The following PGM5 variants were observed in gnomAD, a reference collection of about 807,000 sequenced individuals.
The protein encoded by PGM5 is phosphoglucomutase 5.
In PGM5, 23 loss-of-function variants were observed where a neutral mutation model predicts 59.2. The ratio of observed to expected loss-of-function variants is 0.39; its 90% confidence interval spans 0.28 to 0.55. The LOEUF is 0.55. Among genes scored for constraint, PGM5 ranks in the 20% least tolerant of loss-of-function variants. The probability of loss-of-function intolerance (pLI) is 0.66; values close to 1 mark genes in which losing one functional copy is unlikely to be tolerated. For missense variants in PGM5, 574 were observed against 748.3 expected, an observed-to-expected ratio of 0.77 and a Z score of 2.72; for synonymous variants, 214 against 286.0, an observed-to-expected ratio of 0.75 and a Z score of 2.54.
At chr9:68,381,723 A>G (rs1381211276) in intron 2 of PGM5, among the ~76,000 whole-genome samples, 3 of 151,720 alleles carry the variant, frequency 2.0e-5, no homozygotes, top group Non-Finnish European at 4.4e-5. Flanking sequence ...TACAAAATCA[A>G]CATACAAACA....
At chr9:68,457,941 A>G (rs1366622497) in intron 6 of PGM5, among the ~76,000 whole-genome samples, 2 of 152,196 alleles carry the variant, frequency 1.3e-5, no homozygotes, top group African/African-American at 4.8e-5. Context: ...AGGATAGCTG[A>G]CAATTAGCTC....
intron 6 of PGM5, among the ~76,000 whole-genome samples, chr9:68,404,803 G>C (rs1236793627): frequency 1.3e-5 from 2 of 152,352 alleles, no homozygotes; most frequent in East Asian, 3.9e-4. Context: ...CTCACAGAGA[G>C]ATCATATCAC....
At chr9:68,420,981 T>C (rs1377825449) in intron 6 of PGM5, among the ~76,000 whole-genome samples, 3 of 152,184 alleles carry the variant, frequency 2.0e-5, no homozygotes, top group Non-Finnish European at 4.4e-5. Context: ...TAACTTGGGA[T>C]GTATGCTTTG....
At chr9:68,369,562 C>G (rs1834745716) in intron 1 of PGM5, among the ~76,000 whole-genome samples, 2 of 152,180 alleles carry the variant, frequency 1.3e-5, no homozygotes, top group Admixed American at 1.3e-4. Context: ...TTCCAATTTT[C>G]ACCACCTCCA....
At chr9:68,405,690 TTTC>T (rs1223960551) in intron 6 of PGM5, 2 of 153,984 alleles carry the variant, frequency 1.3e-5, no homozygotes, top group East Asian at 1.9e-4. Context: ...CCTTCCTTCT[TTTC>T]TTATCTTCCC....
chr9:68,504,735 T>A (rs1824629258), intron 10 of PGM5, among the ~76,000 whole-genome samples: 2 of 152,210 alleles, frequency 1.3e-5, no homozygotes, highest in South Asian at 4.1e-4. Flanking sequence ...TTTATTTTAT[T>A]ATCTGTCTCC....
chr9:68,368,836 G>T (rs546885577), intron 1 of PGM5, among the ~76,000 whole-genome samples: 1 of 152,210 alleles, frequency 6.6e-6, no homozygotes, highest in Non-Finnish European at 1.5e-5. Context: ...GTAGAGATGA[G>T]GTCTTGCTGT....
intron 7 of PGM5, among the ~76,000 whole-genome samples, chr9:68,467,675 T>C (rs974321384): frequency 6.6e-6 from 1 of 152,198 alleles, no homozygotes. Context: ...AATCTACGTT[T>C]CTCTTCTTTA....
At chr9:68,415,779 A>ATATCTATCGATCTATCTATC (rs1554681920) in intron 6 of PGM5, among the ~76,000 whole-genome samples, 3 of 33,234 alleles carry the variant, frequency 9.0e-5, no homozygotes, top group African/African-American at 1.7e-4. Context: ...AAGGCAGGGA[A>ATATCTATCGATCTATCTATC]TATCTATCTA....
At chr9:68,434,774 C>G (rs1404111832) in intron 6 of PGM5, among the ~76,000 whole-genome samples, 1 of 150,256 alleles carries the variant, frequency 6.7e-6, no homozygotes, top group Non-Finnish European at 1.5e-5. Flanking sequence ...TGAGAGACAG[C>G]AAGACTCCAT....
chr9:68,376,900 C>CTTTTTT (rs1563985085), intron 1 of PGM5, among the ~76,000 whole-genome samples: 2 of 105,264 alleles, frequency 1.9e-5, no homozygotes, highest in African/African-American at 7.3e-5. Flanking sequence ...CTTTCTTTCT[C>CTTTTTT]TCTCTTTCTT....
intron 6 of PGM5, chr9:68,398,051 G>A (rs572833011): frequency 5.3e-5 from 8 of 152,208 alleles, no homozygotes; most frequent in Admixed American, 2.6e-4. Context: ...TTCTTACCAC[G>A]TCCTTTAGAT....
chr9:68,530,222 T>C lies in PGM5; in HGVS notation c.*566T>C, dbSNP rs1825059569. On this transcript the variant is annotated 3_prime_UTR_variant, in exon 11 of 11. Coordinates refer to ENST00000396396, the MANE Select transcript of PGM5 (RefSeq NM_021965.4). ...TGCCTCCCCCATCCCATCCCCAACA[T>C]CCCTGTACCACCTTCTCTCACATCT... 1 of 152,486 alleles carries C rather than the reference T, an allele frequency of 6.6e-6. No individual in the cohort carries two copies. Among genetic ancestry groups the C allele is most frequent in the Non-Finnish European group, 1.5e-5 (1 of 68,268 alleles). The allele number at this position is 152,486 out of a possible 1,614,324, so 9.4% of individuals were successfully genotyped here. A position where few individuals can be genotyped will look rare whatever the true frequency, so the allele number is the denominator to read the frequency against.
In PGM5 at chr9:68,420,158, C is replaced by T. The variant is rs151303685; in HGVS notation, c.1043+27685C>T. On this transcript the variant is annotated intron_variant, in intron 6 of 10. Coordinates refer to ENST00000396396, the MANE Select transcript of PGM5 (RefSeq NM_021965.4). The stretch of plus-strand genomic sequence containing the variant: ...TGATGGCAGTCTCAGCTCAGCTCTC[C>T]CTCTGGGGGCTCCGAAGACCCTAGA... Among the ~76,000 whole-genome samples the T allele has an allele frequency of 1.9e-3, 290 of 152,272 alleles. 1 individual carries two copies. Among genetic ancestry groups the T allele is most frequent in the African/African-American group, 6.5e-3 (272 of 41,568 alleles).
At chr9:68,524,312 C>A (rs1824941367) in intron 10 of PGM5, among the ~76,000 whole-genome samples, 1 of 151,942 alleles carries the variant, frequency 6.6e-6, no homozygotes, top group African/African-American at 2.4e-5. Context: ...GATCCAATAC[C>A]CCCTGTAGCC....
intron 1 of PGM5, among the ~76,000 whole-genome samples, chr9:68,374,107 G>T (rs1272389300): frequency 5.9e-5 from 9 of 152,350 alleles, no homozygotes; most frequent in Non-Finnish European, 1.0e-4. Context: ...CTATGGAAGG[G>T]CTTCCTAAGT....
At chr9:68,382,640 G>A (rs1338792845) in intron 2 of PGM5, among the ~76,000 whole-genome samples, 5 of 151,494 alleles carry the variant, frequency 3.3e-5, no homozygotes, top group African/African-American at 1.2e-4. Context: ...CTGTAGATTT[G>A]CCGTATCCTT....
At chr9:68,487,876 C>G (rs550502295) in intron 9 of PGM5, among the ~76,000 whole-genome samples, 15 of 152,224 alleles carry the variant, frequency 9.9e-5, no homozygotes, top group African/African-American at 3.6e-4. Context: ...TGGGTTTGAG[C>G]CTCAACTCTG....
At chr9:68,517,057 T>C (rs1166024480) in intron 10 of PGM5, among the ~76,000 whole-genome samples, 1 of 151,598 alleles carries the variant, frequency 6.6e-6, no homozygotes, top group Non-Finnish European at 1.5e-5. Context: ...CTTTTTTTTT[T>C]TTTTTAAATA....
Sources: allele counts gnomAD v4.1 joint callset (sites outside exome capture counted in the v4.1 genomes callset), GRCh38; gene constraint gnomAD v4.1.1; transcripts MANE v1.5; gene names NCBI Gene and HGNC (gene_info 2026-07-23, HGNC 2026-07-21).